MRPL48: variants seen among roughly 807,000 people sequenced by gnomAD.
The protein encoded by MRPL48 is mitochondrial ribosomal protein L48.
MRPL48 carries 16 observed loss-of-function variants against 32.9 expected under a neutral mutation model. That is an observed-to-expected ratio of 0.49 (90% CI 0.33 to 0.74). The LOEUF (loss-of-function observed/expected upper bound fraction) is 0.74. Among genes scored for constraint, MRPL48 ranks in the 30% least tolerant of loss-of-function variants. The probability of loss-of-function intolerance (pLI) is 0.02; values close to 1 mark genes in which losing one functional copy is unlikely to be tolerated. For synonymous variants in MRPL48, 94 were observed against 89.2 expected (o/e 1.05, Z -0.31); for missense variants, 206 against 245.3 (o/e 0.84, Z 1.07).
chr11:73,808,826 A>C (rs922955351), intron 3 of MRPL48, among the ~76,000 whole-genome samples: 1 of 151,924 alleles, frequency 6.6e-6, no homozygotes, highest in African/African-American at 2.4e-5. Context: ...GGGAGGCCGA[A>C]GCAGGAGAAT....
intron 6 of MRPL48, among the ~76,000 whole-genome samples, chr11:73,862,790 C>T (rs1307195570): frequency 3.3e-5 from 5 of 152,076 alleles, no homozygotes; most frequent in African/African-American, 1.2e-4. Context: ...ACTGGTGGCA[C>T]GTGCCTGTAG....
intron 3 of MRPL48, among the ~76,000 whole-genome samples, chr11:73,811,983 T>C (rs1381883105): frequency 2.0e-5 from 3 of 152,150 alleles, no homozygotes; most frequent in African/African-American, 7.2e-5. Flanking sequence ...CCACCCGGGT[T>C]CACACCATTC....
chr11:73,808,733 C>T (rs1164222097), intron 3 of MRPL48, among the ~76,000 whole-genome samples: 1 of 151,900 alleles, frequency 6.6e-6, no homozygotes, highest in Non-Finnish European at 1.5e-5. Flanking sequence ...ACCAGCCTGG[C>T]CAACATGGTG....
At chr11:73,789,914 G>C (rs1251496607) in intron 1 of MRPL48, among the ~76,000 whole-genome samples, 2 of 152,010 alleles carry the variant, frequency 1.3e-5, no homozygotes, top group Non-Finnish European at 2.9e-5. Flanking sequence ...TTTTTGTTTA[G>C]AGACAGGGTC....
At chr11:73,863,946 A>G (rs745717886) in intron 7 of MRPL48, among the ~76,000 whole-genome samples, 9 of 152,118 alleles carry the variant, frequency 5.9e-5, no homozygotes, top group Non-Finnish European at 1.3e-4. Context: ...TGCTGCCTTA[A>G]AACAGTCCAA....
intron 3 of MRPL48, chr11:73,822,932 A>G (rs1947809416): frequency 6.7e-6 from 3 of 448,234 alleles, no homozygotes; most frequent in African/African-American, 6.0e-5. Flanking sequence ...TGAACTGCAC[A>G]TATGAGGGAT....
intron 3 of MRPL48, among the ~76,000 whole-genome samples, chr11:73,820,851 A>G (rs1243740156): frequency 6.6e-6 from 1 of 152,012 alleles, no homozygotes; most frequent in African/African-American, 2.4e-5. Context: ...AACCACTATT[A>G]TAATTTTCTT....
intron 5 of MRPL48, among the ~76,000 whole-genome samples, chr11:73,846,742 A>C (rs1590994438): frequency 1.4e-5 from 2 of 147,162 alleles, no homozygotes. Context: ...TCTCTCTCCC[A>C]CCCAGGCTGG....
At chr11:73,788,203 G>C (rs1244307749) in intron 1 of MRPL48, among the ~76,000 whole-genome samples, 5 of 152,040 alleles carry the variant, frequency 3.3e-5, no homozygotes. Context: ...GAACTCTGCC[G>C]AGCCGACCCG....
At chr11:73,825,902 A>G in intron 4 of MRPL48, 106 bp downstream of exon 4, 1 of 977,304 alleles carries the variant, frequency 1.0e-6, no homozygotes, top group Non-Finnish European at 1.5e-6. Flanking sequence ...AGAAATGATA[A>G]AGTTGCCTCT....
intron 4 of MRPL48, among the ~76,000 whole-genome samples, chr11:73,843,993 C>T (rs577835795): frequency 1.2e-4 from 18 of 151,384 alleles, no homozygotes; most frequent in African/African-American, 3.9e-4. Flanking sequence ...GCAGGAGAAT[C>T]GCTTGAACCC....
chr11:73,802,041 C>G (rs1947370505), intron 1 of MRPL48: 3 of 152,112 alleles, frequency 2.0e-5, no homozygotes, highest in Non-Finnish European at 4.4e-5. Context: ...AAGTAGTAGG[C>G]AAACTCTTTA....
chr11:73,800,573 A>C (rs529021246), intron 1 of MRPL48, among the ~76,000 whole-genome samples: 2 of 152,038 alleles, frequency 1.3e-5, no homozygotes, highest in Non-Finnish European at 2.9e-5. Flanking sequence ...GTCCTCATTC[A>C]TTCATTCGCT....
At chr11:73,824,142 C>T (rs1947841437) in intron 3 of MRPL48, among the ~76,000 whole-genome samples, 1 of 152,006 alleles carries the variant, frequency 6.6e-6, no homozygotes, top group African/African-American at 2.4e-5. Flanking sequence ...CCATGAGCCA[C>T]CGCACCTGGC....
At chr11:73,794,481 G>T (rs181031079) in intron 1 of MRPL48, among the ~76,000 whole-genome samples, 1 of 151,508 alleles carries the variant, frequency 6.6e-6, no homozygotes, top group East Asian at 2.0e-4. Flanking sequence ...CTTGAATGTG[G>T]GAGGAGGAAG....
chr11:73,814,993 C>T (rs1590952671), intron 3 of MRPL48, among the ~76,000 whole-genome samples: 1 of 149,052 alleles, frequency 6.7e-6, no homozygotes, highest in South Asian at 2.2e-4. Flanking sequence ...GACTTGGTCT[C>T]ATAAATAAAT....
chr11:73,791,964 C>T (rs1947161803), intron 1 of MRPL48, among the ~76,000 whole-genome samples: 1 of 152,154 alleles, frequency 6.6e-6, no homozygotes, highest in Admixed American at 6.6e-5. Context: ...CACTATGTTG[C>T]CCAGGCTGGT....
At chr11:73,855,819 A>G (rs1948474213) in intron 5 of MRPL48, among the ~76,000 whole-genome samples, 1 of 152,132 alleles carries the variant, frequency 6.6e-6, no homozygotes, top group Admixed American at 6.5e-5. Context: ...GTTTTCTTAC[A>G]TGTCATCTTG....
intron 5 of MRPL48, among the ~76,000 whole-genome samples, chr11:73,847,931 A>G (rs1326045467): frequency 1.3e-5 from 2 of 152,034 alleles, no homozygotes; most frequent in East Asian, 3.9e-4. Flanking sequence ...CCTGTCTATG[A>G]CTTATCTTGT....
Sources: allele counts gnomAD v4.1 joint callset (sites outside exome capture counted in the v4.1 genomes callset), GRCh38; gene constraint gnomAD v4.1.1; transcripts MANE v1.5; gene names NCBI Gene and HGNC (gene_info 2026-07-23, HGNC 2026-07-21).